MTUS1: variants seen among roughly 807,000 people sequenced by gnomAD.
The protein encoded by MTUS1 is microtubule-associated tumor suppressor 1.
MTUS1 carries 109 observed loss-of-function variants against 120.8 expected under a neutral mutation model. That is an observed-to-expected ratio of 0.90 (90% confidence interval 0.77 to 1.06). MTUS1 has a LOEUF of 1.06. MTUS1 is among the 50% of genes least tolerant of loss of function. MTUS1 has a pLI of 0.00. For missense variants in MTUS1, 2,210 were observed against 1,486.3 expected (o/e 1.49, Z -8.01); for synonymous variants, 737 against 550.5 (o/e 1.34, Z -4.74).
chr8:17,797,606 G>A (rs560222661), intron 1 of MTUS1, among the ~76,000 whole-genome samples: 1 of 152,038 alleles, frequency 6.6e-6, no homozygotes, highest in South Asian at 2.1e-4. Flanking sequence ...GGGTGGGATC[G>A]CTCATCCTCC....
chr8:17,730,482 CT>C (rs1167074549), intron 3 of MTUS1, among the ~76,000 whole-genome samples: 16 of 68,654 alleles, frequency 2.3e-4, no homozygotes, highest in African/African-American at 7.2e-4. Flanking sequence ...AAGACTCTGT[CT>C]TTAAAAAAAA....
chr8:17,723,867 G>T, intron 3 of MTUS1, 34 bp from the exon 4 acceptor site: 1 of 1,506,876 alleles, frequency 6.6e-7, no homozygotes, highest in Non-Finnish European at 8.9e-7. Flanking sequence ...AGTTTCCAGT[G>T]CTATTCATCC....
chr8:17,663,092 A>C (rs1055278346), intron 8 of MTUS1, among the ~76,000 whole-genome samples: 6 of 91,946 alleles, frequency 6.5e-5, no homozygotes, highest in African/African-American at 1.8e-4. Context: ...AAATGCTTTA[A>C]GTTTTGCTTT....
At chr8:17,683,736 G>A (rs1235246958) in intron 7 of MTUS1, among the ~76,000 whole-genome samples, 1 of 152,126 alleles carries the variant, frequency 6.6e-6, no homozygotes, top group Non-Finnish European at 1.5e-5. Context: ...GTAACATGTT[G>A]ATATAAACTT....
chr8:17,742,298 T>TG (rs1262466759), intron 3 of MTUS1, among the ~76,000 whole-genome samples: 2,200 of 140,338 alleles, frequency 0.016, 58 homozygotes, highest in South Asian at 0.029. Context: ...GTTGTTTTTT[T>TG]TTTTTTTTTT....
At chr8:17,717,982 T>C (rs426780) in intron 4 of MTUS1, among the ~76,000 whole-genome samples, 67,572 of 152,060 alleles carry the variant, frequency 0.44, 15,725 homozygotes, top group Middle Eastern at 0.61. Context: ...ATATACAAGA[T>C]ACATATTCAT....
rs369913415 is a variant in MTUS1, at chr8:17,741,931, G to C, written c.2287+1673C>G. ...AAAAGACTTGCTCAGGCAGCGTATT[G>C]GGGCCAGAGTGGAACTAAAACACAG... On this transcript the variant is annotated intron_variant, in intron 3 of 14. Coordinates refer to ENST00000693296, the MANE Select transcript of MTUS1 (RefSeq NM_001363059.2). 5.3e-5 allele frequency among the ~76,000 whole-genome samples: 8 copies of C among 152,264 alleles called. No individual in the cohort carries two copies. In the East Asian group the frequency reaches 1.4e-3, roughly 26 times the overall value.
chr8:17,705,316 C>T (rs1819941168), intron 6 of MTUS1, among the ~76,000 whole-genome samples: 1 of 152,118 alleles, frequency 6.6e-6, no homozygotes, highest in South Asian at 2.1e-4. Context: ...TTTTGTTGTC[C>T]TAATTATTAA....
At chr8:17,710,004 C>G (rs1563244803) in intron 6 of MTUS1, among the ~76,000 whole-genome samples, 1 of 106,072 alleles carries the variant, frequency 9.4e-6, no homozygotes, top group Non-Finnish European at 2.4e-5. Context: ...AAGACTCTGT[C>G]TCAAAAAAAA....
chr8:17,700,133 A>T (rs1818746051), intron 6 of MTUS1, among the ~76,000 whole-genome samples: 1 of 152,144 alleles, frequency 6.6e-6, no homozygotes, highest in East Asian at 1.9e-4. Flanking sequence ...TTTAGTGCCT[A>T]AAGTACAACA....
chr8:17,801,227 C>G (rs1250977073), upstream of MTUS1: 1 of 151,848 alleles, frequency 6.6e-6, no homozygotes, highest in Non-Finnish European at 1.5e-5. Flanking sequence ...CGGCGGCTAC[C>G]AGGCGGGACC....
rs2045922916 is a variant in MTUS1, at chr8:17,722,574, T to C, written c.2449+1098A>G. On this transcript the variant is annotated intron_variant, in intron 4 of 14. Transcript: ENST00000693296. ...CAGGGTATGCAGCTACTTACTCTCA[T>C]ATGAGTCCAGCTACTGCTGCTAGGT... 7.1e-6 allele frequency: 7 copies of C among 985,322 alleles called. No individual in the cohort carries two copies. In the South Asian group the frequency reaches 2.3e-4, roughly 33 times the overall value. The allele number at this position is 985,322 out of a possible 1,614,324, so 61.0% of individuals were successfully genotyped here.
chr8:17,713,778 C>G (rs1049388252), intron 5 of MTUS1, among the ~76,000 whole-genome samples: 1 of 152,164 alleles, frequency 6.6e-6, no homozygotes, highest in African/African-American at 2.4e-5. Flanking sequence ...TATGATGCTT[C>G]TACTTAACAT....
At chr8:17,728,227 CTTGTG>C (rs1489417634) in intron 3 of MTUS1, among the ~76,000 whole-genome samples, 1 of 152,140 alleles carries the variant, frequency 6.6e-6, no homozygotes, top group Non-Finnish European at 1.5e-5. Context: ...TGCTGCACAA[CTTGTG>C]TTGTAGGAAG....
chr8:17,751,216 G>A (rs763994297), intron 2 of MTUS1, among the ~76,000 whole-genome samples: 8 of 152,206 alleles, frequency 5.3e-5, no homozygotes, highest in East Asian at 1.9e-4. Context: ...GGAGAAATGC[G>A]TGAACCTGGG....
At position 17,792,407 on chromosome 8, in the gene MTUS1, C is replaced by T. The variant is rs143092534; in HGVS notation, c.-155+8654G>A. Among the ~76,000 whole-genome samples the T allele has an allele frequency of 3.8e-3, 577 of 152,332 alleles. 8 individuals are homozygous for T. Among genetic ancestry groups the T allele is most frequent in the Admixed American group, 0.024 (367 of 15,304 alleles). ...ATAAGCTGTAACCAGAACTTTCCAA[C>T]AAAATAGTCTTATCTGCAATATAAA... is the stretch of plus-strand genomic sequence containing the variant. On this transcript the variant is annotated intron_variant, in intron 1 of 14. Coordinates refer to ENST00000693296, the MANE Select transcript of MTUS1 (RefSeq NM_001363059.2).
intron 5 of MTUS1, 80 bp downstream of exon 5, chr8:17,715,687 A>G (rs1432467318): frequency 2.2e-6 from 3 of 1,371,606 alleles, no homozygotes; most frequent in East Asian, 4.7e-5. Context: ...CATAAACCTA[A>G]TTGTCAAAAT....
chr8:17,768,580 T>A (rs985361304), intron 1 of MTUS1, among the ~76,000 whole-genome samples: 87 of 152,116 alleles, frequency 5.7e-4, no homozygotes, highest in African/African-American at 2.0e-3. Context: ...TCACCCCCTT[T>A]CCCTACCCAC....
At chr8:17,675,148 T>A in intron 8 of MTUS1, 38 bp downstream of exon 8, 1 of 1,612,020 alleles carries the variant, frequency 6.2e-7, no homozygotes, top group Non-Finnish European at 8.5e-7. Flanking sequence ...GTTCCCCTTG[T>A]CCCATAAAAT....
Sources: gnomAD v4.1 joint callset for allele counts (sites outside exome capture counted in the v4.1 genomes callset) on GRCh38, gnomAD v4.1.1 for gene constraint, MANE v1.5 for transcripts, NCBI Gene and HGNC (gene_info 2026-07-23, HGNC 2026-07-21) for gene names.